The following TMEM63C variants were observed in gnomAD, a reference collection of about 807,000 sequenced individuals.
The protein encoded by TMEM63C is osmosensitive cation channel TMEM63C.
A neutral mutation model predicts 99.2 loss-of-function variants in TMEM63C; 32 were observed. The observed-to-expected ratio is 0.32, with a 90% CI of 0.24 to 0.43. TMEM63C has a LOEUF of 0.43. TMEM63C is among the 20% of genes least tolerant of loss of function. TMEM63C has a pLI of 1.00. For synonymous variants in TMEM63C, 376 were observed against 397.9 expected, an observed-to-expected ratio of 0.94 and a Z score of 0.66; for missense variants, 826 against 1,053.0, an observed-to-expected ratio of 0.78 and a Z score of 2.98.
chr14:77,228,308 C>G (rs529417243), intron 6 of TMEM63C, among the ~76,000 whole-genome samples: 13 of 152,238 alleles, frequency 8.5e-5, no homozygotes, highest in African/African-American at 3.1e-4. Context: ...TCTGCTCTCT[C>G]CACCTGATTG....
intron 23 of TMEM63C, among the ~76,000 whole-genome samples, chr14:77,254,581 G>A (rs147101527): frequency 8.5e-5 from 13 of 152,112 alleles, no homozygotes; most frequent in African/African-American, 1.9e-4. Flanking sequence ...TGCTGTTTTC[G>A]CTCTTAATCT....
At chr14:77,240,631 A>G in intron 13 of TMEM63C, 23 bp downstream of exon 13, 1 of 1,603,624 alleles carries the variant, frequency 6.2e-7, no homozygotes, top group South Asian at 1.1e-5. Context: ...CAGGCGCCCC[A>G]CCCAGCCCCA....
At chr14:77,253,669 G>A (rs991202115) in intron 23 of TMEM63C, among the ~76,000 whole-genome samples, 30 of 152,358 alleles carry the variant, frequency 2.0e-4, no homozygotes, top group African/African-American at 6.5e-4. Context: ...CAGCGACCTC[G>A]GTCATGTAGA....
At chr14:77,228,818 T>A (rs1888882978) in intron 6 of TMEM63C, among the ~76,000 whole-genome samples, 1 of 152,252 alleles carries the variant, frequency 6.6e-6, no homozygotes, top group East Asian at 1.9e-4. Flanking sequence ...ATTACAGGCA[T>A]AAGCCACTGC....
chr14:77,248,267 C>T (rs150401411), intron 18 of TMEM63C, 80 bp from the exon 19 acceptor site: 6 of 1,289,660 alleles, frequency 4.7e-6, no homozygotes, highest in African/African-American at 1.5e-5. Context: ...CTCTGCTGCT[C>T]TCCTCTCTCT....
intron 5 of TMEM63C, among the ~76,000 whole-genome samples, chr14:77,220,882 GCCCCGCC>G (rs1888683735): frequency 1.2e-5 from 1 of 80,930 alleles, no homozygotes; most frequent in Non-Finnish European, 2.9e-5. Flanking sequence ...TCCCACTCAC[GCCCCGCC>G]TCCCACTCAC....
At chr14:77,190,198 T>G (rs1243125717) in intron 1 of TMEM63C, among the ~76,000 whole-genome samples, 2 of 152,156 alleles carry the variant, frequency 1.3e-5, no homozygotes, top group Non-Finnish European at 2.9e-5. Context: ...GATGATTTTT[T>G]GGGAAAATGT....
rs147457703 is a variant in TMEM63C at position 77,257,542 on chromosome 14, T to G, written c.*816T>G. The G allele has an allele frequency of 2.0e-5, 3 of 152,292 alleles. No individual in the cohort carries two copies. In the East Asian group the frequency reaches 5.8e-4, roughly 29 times the overall value. The allele number at this position is 152,292 out of a possible 1,614,324, so 9.4% of individuals were successfully genotyped here. On this transcript the variant is annotated 3_prime_UTR_variant, in exon 24 of 24. Coordinates refer to ENST00000298351, the MANE Select transcript of TMEM63C (RefSeq NM_020431.4). ...GGTGAGACGACAGAAGCCGAATTCATGGAAGGGGGGTCTTCTCCCCAAAAC... is the reference window on the plus strand; with the variant it reads ...GGTGAGACGACAGAAGCCGAATTCAGGGAAGGGGGGTCTTCTCCCCAAAAC...
chr14:77,215,729 A>G (rs886280496), intron 2 of TMEM63C, among the ~76,000 whole-genome samples: 2 of 151,636 alleles, frequency 1.3e-5, no homozygotes, highest in Non-Finnish European at 2.9e-5. Context: ...CTTCCCTCCC[A>G]CTCACCCAGC....
Position 77,238,679 on chromosome 14 carries a change from AT to A in TMEM63C, c.652-10del. 1 of 1,609,398 alleles carries A rather than the reference AT, an allele frequency of 6.2e-7. No homozygotes were observed. Among genetic ancestry groups the A allele is most frequent in the Non-Finnish European group, 8.5e-7 (1 of 1,176,044 alleles). On this transcript the variant is annotated splice_polypyrimidine_tract_variant and intron_variant, in intron 9 of 23. Transcript: ENST00000298351. ...AGCACAGTCTTCTTTCTCCATTTTT[AT>A]TTTTCCCACCCAGGTCACAAGGACA...
intron 4 of TMEM63C, 32 bp downstream of exon 4, chr14:77,219,609 C>A (rs1447904903): frequency 6.2e-7 from 1 of 1,609,518 alleles, no homozygotes; most frequent in South Asian, 1.1e-5. Context: ...TGAGCCGTTG[C>A]CCCCTTGGGG....
chr14:77,253,492 A>G, intron 23 of TMEM63C, 116 bp downstream of exon 23: 3 of 1,064,404 alleles, frequency 2.8e-6, no homozygotes, highest in Middle Eastern at 2.6e-4. Flanking sequence ...GGGGAAGGAG[A>G]TGGGGGACCC....
rs181596656 is a variant in TMEM63C at position 77,231,890 on chromosome 14, A to T, written c.493+160A>T. On this transcript the variant is annotated intron_variant, in intron 7 of 23. Transcript: ENST00000298351. ...GAACAAACCATGCTTCGCTTCTCTCATGTGGAGACTGGAGACGATTCCTCC... is the reference window on the plus strand; with the variant it reads ...GAACAAACCATGCTTCGCTTCTCTCTTGTGGAGACTGGAGACGATTCCTCC... 1.1e-3 allele frequency among the ~76,000 whole-genome samples: 175 copies of T among 152,316 alleles called. 1 individual carries two copies. Among genetic ancestry groups the T allele is most frequent in the African/African-American group, 4.0e-3 (168 of 41,554 alleles).
At position 77,189,971 on chromosome 14, in the gene TMEM63C, G is replaced by A. The variant is rs145493238; in HGVS notation, c.-77+8077G>A. Among the ~76,000 whole-genome samples, 25 of 152,226 alleles carry A rather than the reference G, an allele frequency of 1.6e-4. No individual in the cohort carries two copies. The East Asian group carries it at 4.6e-3, about 28-fold the overall frequency. ...TCTGAGTTGTGTACATAGTAAATAG[G>A]GTCCTGGGGGGAAAATCATGTGTCA... On this transcript the variant is annotated intron_variant, in intron 1 of 23. Transcript: ENST00000298351.
chr14:77,247,303 C>G (rs747261157), intron 18 of TMEM63C, among the ~76,000 whole-genome samples: 1 of 152,060 alleles, frequency 6.6e-6, no homozygotes, highest in Non-Finnish European at 1.5e-5. Flanking sequence ...CAAGTTCAAG[C>G]GATTCTCCCA....
At position 77,248,613 on chromosome 14, in the gene TMEM63C, G is replaced by A; in HGVS notation, c.1764+104G>A. On this transcript the variant is annotated intron_variant, in intron 19 of 23. Coordinates refer to ENST00000298351, the MANE Select transcript of TMEM63C (RefSeq NM_020431.4). ...CAAGGGGGTTGAGGTGGGAGGGACG[G>A]TGTGGATGGGTGTTGGTGGGGCACC... 1.3e-5 allele frequency: 20 copies of A among 1,503,512 alleles called. No individual in the cohort carries two copies. In the South Asian group the frequency reaches 2.0e-4, roughly 15 times the overall value. The allele number at this position is 1,503,512 out of a possible 1,614,324, so 93.1% of individuals were successfully genotyped here.
At chr14:77,188,285 G>A (rs889128710) in intron 1 of TMEM63C, among the ~76,000 whole-genome samples, 4 of 152,196 alleles carry the variant, frequency 2.6e-5, no homozygotes, top group Admixed American at 2.6e-4. Flanking sequence ...CTTTTCAAGT[G>A]TTCTTTGAGT....
intron 1 of TMEM63C, among the ~76,000 whole-genome samples, chr14:77,185,489 C>T (rs374846005): frequency 8.5e-5 from 13 of 152,312 alleles, no homozygotes; most frequent in East Asian, 7.7e-4. Flanking sequence ...CATCGAGTCC[C>T]AGCAGAAGAG....
chr14:77,259,114 C>T lies in TMEM63C; in HGVS notation c.*2388C>T, dbSNP rs1281017321. ...CTGCCTCAGCCCACACCTGCCTCAC[C>T]CATTGCCCCCCTCCCCCCACCTACT... On this transcript the variant is annotated 3_prime_UTR_variant, in exon 24 of 24. Coordinates refer to ENST00000298351, the MANE Select transcript of TMEM63C (RefSeq NM_020431.4). 1.3e-5 allele frequency: 2 copies of T among 153,886 alleles called. No homozygotes were observed. The highest frequency in any genetic ancestry group is 2.4e-5 in the African/African-American group (1 of 41,436). The allele number at this position is 153,886 out of a possible 1,614,324, so 9.5% of individuals were successfully genotyped here.
Sources: gnomAD v4.1 joint callset for allele counts (sites outside exome capture counted in the v4.1 genomes callset) on GRCh38, gnomAD v4.1.1 for gene constraint, MANE v1.5 for transcripts, NCBI Gene and HGNC (gene_info 2026-07-23, HGNC 2026-07-21) for gene names.